The following APBB2 variants were observed in gnomAD, a reference collection of about 807,000 sequenced individuals.
The protein encoded by APBB2 is Fe65-like 1.
A neutral mutation model predicts 82.5 loss-of-function variants in APBB2; 38 were observed. The observed-to-expected ratio is 0.46, with a 90% CI of 0.36 to 0.60. APBB2 has a LOEUF of 0.60. APBB2 is among the 20% of genes least tolerant of loss of function. The pLI, the probability that APBB2 is intolerant of heterozygous loss-of-function variation, is 0.00. For missense variants in APBB2, 772 were observed against 972.3 expected (o/e 0.79, Z 2.74); for synonymous variants, 341 against 368.2 (o/e 0.93, Z 0.85).
chr4:41,090,854 T>C lies in APBB2; in HGVS notation c.-149+9785A>G, dbSNP rs565949698. On this transcript the variant is annotated intron_variant, in intron 3 of 17. Coordinates refer to ENST00000508593, the MANE Select transcript of APBB2 (RefSeq NM_004307.2). ...AAAGACCACAGTGGGGAAGAAGGCA[T>C]AGAGGGCTCATATGTGAGCAGAAAG... Among the ~76,000 whole-genome samples the C allele has an allele frequency of 1.2e-3, 188 of 152,206 alleles. 5 individuals are homozygous for C. The South Asian group carries it at 0.039, about 31-fold the overall frequency.
At chr4:41,175,530 A>C (rs1306880332) in intron 1 of APBB2, among the ~76,000 whole-genome samples, 1 of 152,184 alleles carries the variant, frequency 6.6e-6, no homozygotes, top group African/African-American at 2.4e-5. Flanking sequence ...CAGATTAAAA[A>C]GTAGTGATCT....
chr4:41,202,519 G>A (rs888600744), intron 1 of APBB2, among the ~76,000 whole-genome samples: 6 of 151,778 alleles, frequency 4.0e-5, no homozygotes, highest in Non-Finnish European at 5.9e-5. Context: ...GAACGATAAC[G>A]CCAACAAAAC....
chr4:40,855,004 A>G (rs1760718893), intron 12 of APBB2, among the ~76,000 whole-genome samples: 2 of 152,182 alleles, frequency 1.3e-5, no homozygotes, highest in Non-Finnish European at 2.9e-5. Context: ...TTTGAGATCA[A>G]AGTAAGCAAG....
At chr4:40,965,129 A>T (rs74853703) in intron 6 of APBB2, among the ~76,000 whole-genome samples, 33 of 146,770 alleles carry the variant, frequency 2.2e-4, no homozygotes, top group South Asian at 2.2e-4. Context: ...CAAAAAATTA[A>T]AAAAAAAAAA....
intron 2 of APBB2, among the ~76,000 whole-genome samples, chr4:41,120,717 G>A (rs779183545): frequency 2.6e-5 from 4 of 152,174 alleles, no homozygotes; most frequent in Non-Finnish European, 5.9e-5. Context: ...CATCCGTACA[G>A]CTTGGGCTGC....
At chr4:41,020,564 C>G (rs958445105) in intron 5 of APBB2, among the ~76,000 whole-genome samples, 1 of 152,138 alleles carries the variant, frequency 6.6e-6, no homozygotes, top group African/African-American at 2.4e-5. Flanking sequence ...ATGGACTGAA[C>G]GAGATCTTAT....
At chr4:40,884,489 C>T (rs1769619327) in intron 12 of APBB2, among the ~76,000 whole-genome samples, 2 of 152,078 alleles carry the variant, frequency 1.3e-5, no homozygotes, top group Admixed American at 6.6e-5. Flanking sequence ...TTTTTTAAAA[C>T]ATCCTAACCA....
chr4:40,831,111 T>A (rs749399302), intron 12 of APBB2, among the ~76,000 whole-genome samples: 3 of 151,686 alleles, frequency 2.0e-5, no homozygotes, highest in Non-Finnish European at 4.4e-5. Flanking sequence ...AAAATTTTTT[T>A]AAAAAAGGAT....
chr4:41,053,381 TAA>T (rs879351420), intron 4 of APBB2, among the ~76,000 whole-genome samples: 7 of 143,372 alleles, frequency 4.9e-5, no homozygotes, highest in Non-Finnish European at 3.1e-5. Context: ...CCAAGGCAGT[TAA>T]AAAAAAAAAA....
intron 6 of APBB2, among the ~76,000 whole-genome samples, chr4:40,953,296 C>CA (rs35104971): frequency 0.56 from 52,799 of 94,954 alleles, 13,036 homozygotes; most frequent in Middle Eastern, 0.62. Context: ...AACTCCATCT[C>CA]AAAAAAAAAA....
intron 6 of APBB2, among the ~76,000 whole-genome samples, chr4:40,978,655 G>T (rs371273188): frequency 6.6e-6 from 1 of 152,140 alleles, no homozygotes; most frequent in African/African-American, 2.4e-5. Flanking sequence ...AAGGTAGCTG[G>T]ATCATATAAG....
intron 4 of APBB2, among the ~76,000 whole-genome samples, chr4:41,043,193 C>T (rs1267381159): frequency 1.3e-5 from 2 of 152,020 alleles, no homozygotes; most frequent in Admixed American, 1.3e-4. Context: ...AGGTATTTAT[C>T]ATAAGGACAA....
intron 6 of APBB2, among the ~76,000 whole-genome samples, chr4:40,969,500 T>C (rs1795445374): frequency 6.6e-6 from 1 of 152,156 alleles, no homozygotes; most frequent in South Asian, 2.1e-4. Flanking sequence ...TGAGATGAAT[T>C]TGTATAAGTG....
intron 6 of APBB2, among the ~76,000 whole-genome samples, chr4:41,010,582 A>C (rs1808057122): frequency 6.6e-6 from 1 of 152,168 alleles, no homozygotes; most frequent in Non-Finnish European, 1.5e-5. Flanking sequence ...GAGTGCACAA[A>C]CTTTGCCCTC....
rs200730782 is a variant in APBB2, at chr4:40,832,053, T to C, written c.1530-1476A>G. 0.18 allele frequency among the ~76,000 whole-genome samples: 16,549 copies of C among 91,840 alleles called. 1,116 individuals carry two copies. The highest frequency in any genetic ancestry group is 0.25 in the Non-Finnish European group (10,177 of 40,364). 60.3% of individuals were successfully genotyped at this position (91,840 alleles called of 152,430 possible). A position where few individuals can be genotyped will look rare whatever the true frequency, so the allele number is the denominator to read the frequency against. On this transcript the variant is annotated intron_variant, in intron 12 of 17. Coordinates refer to ENST00000508593, the MANE Select transcript of APBB2 (RefSeq NM_004307.2). The surrounding 1 kb of genome is among the most constrained non-coding windows in gnomAD (Gnocchi z 4.8). ...ACACACACACACACACACACACACA[T>C]ATACACCAAGCTTTACCCATCTAGG... is the stretch of plus-strand genomic sequence containing the variant.
chr4:40,950,940 T>C (rs913253973), intron 6 of APBB2, among the ~76,000 whole-genome samples: 7 of 152,114 alleles, frequency 4.6e-5, no homozygotes, highest in Admixed American at 2.0e-4. Flanking sequence ...TACACAACAA[T>C]ATGGATGTAT....
At chr4:41,110,840 G>A (rs1258395009) in intron 2 of APBB2, among the ~76,000 whole-genome samples, 1 of 152,198 alleles carries the variant, frequency 6.6e-6, no homozygotes, top group African/African-American at 2.4e-5. Context: ...CCAATAGGGT[G>A]AGGGGAGGTT....
chr4:41,017,378 C>T (rs949188734), intron 5 of APBB2, among the ~76,000 whole-genome samples: 25 of 152,088 alleles, frequency 1.6e-4, no homozygotes, highest in African/African-American at 5.8e-4. Context: ...AGTCCTTGGG[C>T]TCAAAAGGGT....
At chr4:41,073,220 G>T (rs1405200515) in intron 3 of APBB2, among the ~76,000 whole-genome samples, 2 of 151,936 alleles carry the variant, frequency 1.3e-5, no homozygotes, top group Non-Finnish European at 2.9e-5. Context: ...TGCTCATATA[G>T]CAAGAACAAC....
Sources: allele counts gnomAD v4.1 joint callset (sites outside exome capture counted in the v4.1 genomes callset), GRCh38; gene constraint gnomAD v4.1.1; non-coding constraint Gnocchi (gnomAD v3.1); transcripts MANE v1.5; gene names NCBI Gene and HGNC (gene_info 2026-07-23, HGNC 2026-07-21).